IGF1R: variants seen among roughly 807,000 people sequenced by gnomAD.
IGF1R encodes the protein insulin-like growth factor 1 receptor.
A neutral mutation model predicts 144.6 loss-of-function variants in IGF1R; 44 were observed. The ratio of observed to expected loss-of-function variants is 0.30; its 90% CI spans 0.24 to 0.39. IGF1R has a LOEUF of 0.39. IGF1R is among the 10% of genes least tolerant of loss of function. IGF1R has a pLI of 1.00. For missense variants in IGF1R, 1,355 were observed against 1,833.7 expected, an observed-to-expected ratio of 0.74 and a Z score of 4.77; for synonymous variants, 795 against 722.8, an observed-to-expected ratio of 1.10 and a Z score of -1.60.
At position 98,707,490 on chromosome 15, in the gene IGF1R, ATTATTGT is replaced by A; in HGVS notation, c.95-69_95-63del. 2 of 1,414,034 alleles carry A rather than the reference ATTATTGT, an allele frequency of 1.4e-6. No individual in the cohort carries two copies. Among genetic ancestry groups the A allele is most frequent in the Admixed American group, 3.8e-5 (2 of 53,248 alleles). 87.6% of individuals were successfully genotyped at this position (1,414,034 alleles called of 1,614,324 possible). ...TACAGGATTCCTGAAAACCAACTGT[ATTATTGT>A]TTGGAAAATAGTTTAAAAATTATTT... On this transcript the variant is annotated intron_variant, in intron 1 of 20. Transcript: ENST00000650285. This position sits in a 1 kb window ranked among gnomAD's most constrained non-coding sequence, Gnocchi z 6.7.
chr15:98,846,289 GCTT>G (rs1215145387), intron 2 of IGF1R, among the ~76,000 whole-genome samples: 2 of 152,164 alleles, frequency 1.3e-5, no homozygotes, highest in Non-Finnish European at 2.9e-5. Flanking sequence ...GTGCCTCTGT[GCTT>G]CTGCTAGCTA....
chr15:98,762,238 CTTTTTTTT>C (rs5814898), intron 2 of IGF1R, among the ~76,000 whole-genome samples: 2 of 95,830 alleles, frequency 2.1e-5, no homozygotes, highest in African/African-American at 4.1e-5. Flanking sequence ...CTTTTCTTTT[CTTTTTTTT>C]TTTTTTTTTG....
intron 2 of IGF1R, chr15:98,890,377 T>A (rs2013846267): frequency 6.6e-6 from 1 of 152,192 alleles, no homozygotes; most frequent in Admixed American, 6.5e-5. Flanking sequence ...TGACCTGTGA[T>A]CGTCCTCACT....
intron 5 of IGF1R, among the ~76,000 whole-genome samples, chr15:98,901,323 T>G (rs1815415335): frequency 6.6e-6 from 1 of 152,212 alleles, no homozygotes; most frequent in Admixed American, 6.5e-5. Flanking sequence ...CTCCAGCCTT[T>G]CATTCCTGCG....
chr15:98,734,132 T>C lies in IGF1R; in HGVS notation c.640+26025T>C, dbSNP rs45480694. Among the ~76,000 whole-genome samples, 61 of 152,346 alleles carry C rather than the reference T, an allele frequency of 4.0e-4. 1 individual carries two copies. In the South Asian group the frequency reaches 0.012, roughly 30 times the overall value. ...TGATTATTTTCATTTGAAATTGTTG[T>C]TGCACTGTAATTTCTCAGGGTTTTG... On this transcript the variant is annotated intron_variant, in intron 2 of 20. Coordinates refer to ENST00000650285, the MANE Select transcript of IGF1R (RefSeq NM_000875.5).
chr15:98,689,080 A>G (rs1186455120), intron 1 of IGF1R, among the ~76,000 whole-genome samples: 2 of 152,270 alleles, frequency 1.3e-5, no homozygotes, highest in Admixed American at 6.5e-5. Flanking sequence ...GTGAAATTAA[A>G]TCACTTGATC....
At chr15:98,673,325 C>T (rs1013866448) in intron 1 of IGF1R, among the ~76,000 whole-genome samples, 1 of 152,296 alleles carries the variant, frequency 6.6e-6, no homozygotes, top group East Asian at 1.9e-4. Flanking sequence ...TGTTTGCATA[C>T]TTCTCTTAGT....
chr15:98,726,355 TG>T (rs2054360178), intron 2 of IGF1R, among the ~76,000 whole-genome samples: 2 of 152,310 alleles, frequency 1.3e-5, no homozygotes, highest in East Asian at 3.9e-4. Context: ...GATGACTTAG[TG>T]GCTTGTCTTG....
intron 2 of IGF1R, among the ~76,000 whole-genome samples, chr15:98,850,196 C>T (rs2011480751): frequency 6.6e-6 from 1 of 152,190 alleles, no homozygotes; most frequent in Non-Finnish European, 1.5e-5. Context: ...TCAGAATCAC[C>T]TCATGAAGAA....
At chr15:98,736,166 A>T (rs919411863) in intron 2 of IGF1R, among the ~76,000 whole-genome samples, 2 of 152,232 alleles carry the variant, frequency 1.3e-5, no homozygotes, top group Admixed American at 6.5e-5. Context: ...TTTTGATTAC[A>T]TTAATCCATA....
At chr15:98,934,094 T>TA (rs1455405515) in intron 15 of IGF1R, among the ~76,000 whole-genome samples, 8 of 151,308 alleles carry the variant, frequency 5.3e-5, no homozygotes, top group African/African-American at 1.9e-4. Flanking sequence ...GAGTCAGTAT[T>TA]AAAGTTACCT....
intron 5 of IGF1R, among the ~76,000 whole-genome samples, chr15:98,906,393 C>T (rs1194005063): frequency 6.6e-6 from 1 of 152,210 alleles, no homozygotes; most frequent in East Asian, 1.9e-4. Context: ...ACTCAGGTAC[C>T]TGGAAGCAGC....
intron 1 of IGF1R, among the ~76,000 whole-genome samples, chr15:98,659,979 A>ATT: frequency 6.6e-6 from 1 of 152,246 alleles, no homozygotes; most frequent in South Asian, 2.1e-4. Flanking sequence ...TCGCTAGCTA[A>ATT]TTTTATGTAT....
In IGF1R at chr15:98,935,816, A is replaced by T. The variant is rs1439679810; in HGVS notation, c.3297+390A>T. On this transcript the variant is annotated intron_variant, in intron 17 of 20. Transcript: ENST00000650285. This position sits in a 1 kb window ranked among gnomAD's most constrained non-coding sequence, Gnocchi z 4.2. ...TAACTTCTCGATGCGCTTGACTCAC[A>T]TCCTCGTATGTGTTCTCTCTCGTTA... 1.3e-5 allele frequency among the ~76,000 whole-genome samples: 2 copies of T among 151,728 alleles called. No homozygotes were observed. The highest frequency in any genetic ancestry group is 6.6e-5 in the Admixed American group (1 of 15,256).
intron 2 of IGF1R, among the ~76,000 whole-genome samples, chr15:98,877,725 A>G (rs1318817864): frequency 6.6e-6 from 1 of 152,156 alleles, no homozygotes; most frequent in Non-Finnish European, 1.5e-5. Context: ...TTGCCTGTAC[A>G]GGTGTGCAGG....
At position 98,707,940 on chromosome 15, in the gene IGF1R, C is replaced by G. The variant is rs2141259691; in HGVS notation, c.473C>G (p.Ser158Cys). ...DLCYLSTVDW[S>C]LILDAVSNNY... ...TGTTACCTCTCCACTGTGGACTGGT[C>G]CCTGATCCTGGATGCGGTGTCCAAT... Residue 158 changes from serine to cysteine, a missense_variant, in exon 2 of 21, where the codon TCC (serine) becomes TGC (cysteine). Physicochemically the swap from Ser to Cys is moderately radical, Grantham distance 112 (BLOSUM62 -1). Transcript: ENST00000650285. The surrounding 1 kb of genome is among the most constrained non-coding windows in gnomAD (Gnocchi z 6.7). The G allele has an allele frequency of 6.2e-7, 1 of 1,614,132 alleles. No individual in the cohort carries two copies. The highest frequency in any genetic ancestry group is 1.3e-5 in the African/African-American group (1 of 75,014).
At chr15:98,949,681 T>C (rs1170710644) in intron 20 of IGF1R, among the ~76,000 whole-genome samples, 1 of 152,184 alleles carries the variant, frequency 6.6e-6, no homozygotes, top group African/African-American at 2.4e-5. Flanking sequence ...ACCCCACTTA[T>C]TTTGAAAAAA....
At chr15:98,774,696 TG>T (rs1267934810) in intron 2 of IGF1R, among the ~76,000 whole-genome samples, 7 of 24,548 alleles carry the variant, frequency 2.9e-4, no homozygotes, top group South Asian at 1.7e-3. Context: ...GGTGGGGGGG[TG>T]GGGGGTGGTT....
chr15:98,957,503 G>GGA lies in IGF1R; in HGVS notation c.*69_*70dup. The GGA allele has an allele frequency of 1.2e-5, 20 of 1,604,228 alleles. No individual in the cohort carries two copies. Among genetic ancestry groups the GGA allele is most frequent in the Non-Finnish European group, 1.6e-5 (19 of 1,174,392 alleles). ...TGCGCACGCGCAGCGGGGTGGGGGG[G>GGA]GAGAGAGAGTTTTAACAATCCATTC... is the stretch of plus-strand genomic sequence containing the variant. On this transcript the variant is annotated 3_prime_UTR_variant, in exon 21 of 21. Coordinates refer to ENST00000650285, the MANE Select transcript of IGF1R (RefSeq NM_000875.5).
Sources: allele counts gnomAD v4.1 joint callset (sites outside exome capture counted in the v4.1 genomes callset), GRCh38; gene constraint gnomAD v4.1.1; non-coding constraint Gnocchi (gnomAD v3.1); transcripts MANE v1.5; gene names NCBI Gene and HGNC (gene_info 2026-07-23, HGNC 2026-07-21).